Variants in NRG4 observed in about 807,000 individuals in gnomAD.
NRG4 encodes the protein neuregulin 4.
NRG4 carries 10 observed loss-of-function variants against 15.0 expected under a neutral mutation model. The ratio of observed to expected loss-of-function variants is 0.67; its 90% CI spans 0.41 to 1.13. The LOEUF is 1.13. Ranked by LOEUF, NRG4 falls within the 50% of genes most tolerant of loss-of-function variation. NRG4 has a pLI of 0.00. For synonymous variants in NRG4, 41 were observed against 50.1 expected, an observed-to-expected ratio of 0.82 and a Z score of 0.77; for missense variants, 139 against 140.2, an observed-to-expected ratio of 0.99 and a Z score of 0.04.
intron 5 of NRG4, among the ~76,000 whole-genome samples, chr15:76,032,017 A>G (rs1457504880): frequency 6.6e-6 from 1 of 152,192 alleles, no homozygotes; most frequent in Admixed American, 6.5e-5. Flanking sequence ...AGAGAGGAGA[A>G]TTACCCACTA....
At chr15:76,054,444 C>T (rs572656451) in intron 2 of NRG4, among the ~76,000 whole-genome samples, 29 of 151,740 alleles carry the variant, frequency 1.9e-4, no homozygotes, top group African/African-American at 5.3e-4. Flanking sequence ...GATGGAGTTC[C>T]GCTCTCATTG....
rs1007351173 is a variant in NRG4, at chr15:76,050,432, C to A, written c.-105+1635G>T. Among the ~76,000 whole-genome samples, 3 of 143,736 alleles carry A rather than the reference C, an allele frequency of 2.1e-5. 1 individual carries two copies. Among genetic ancestry groups the A allele is most frequent in the African/African-American group, 8.0e-5 (3 of 37,492 alleles). The allele number at this position is 143,736 out of a possible 152,430, so 94.3% of individuals were successfully genotyped here. ...GGAAAAGCATTATTGTCACCCCGAG[C>A]CTTCGTTTTTTTTTTTTTTTTTTTT... On this transcript the variant is annotated intron_variant, in intron 4 of 8. Coordinates refer to the NRG4 transcript ENST00000563910.
chr15:76,054,841 A>G (rs1222440476), intron 2 of NRG4, among the ~76,000 whole-genome samples: 1 of 152,266 alleles, frequency 6.6e-6, no homozygotes, highest in African/African-American at 2.4e-5. Flanking sequence ...CAAAAAATAA[A>G]AAACACATAT....
intron 3 of NRG4, among the ~76,000 whole-genome samples, chr15:75,968,573 C>A: frequency 7.5e-6 from 1 of 133,710 alleles, no homozygotes. Context: ...GGCGATAGAG[C>A]GAAACTCCAT....
chr15:76,027,423 A>G (rs2035344400), intron 5 of NRG4, among the ~76,000 whole-genome samples: 1 of 152,116 alleles, frequency 6.6e-6, no homozygotes, highest in Non-Finnish European at 1.5e-5. Context: ...AGATATATAA[A>G]GCAAGCTGTA....
At chr15:75,937,875 CATGGGGCAAGAGGTT>C (rs67818048), downstream of NRG4, 69,752 of 151,750 alleles carry the variant, frequency 0.46, 16,783 homozygotes, top group South Asian at 0.7. Context: ...ACCACAGGTG[CATGGGGCAAGAGGTT>C]ATGGGTGTAA....
At chr15:76,013,072 T>C (rs1247993882), upstream of NRG4, among the ~76,000 whole-genome samples, 3 of 152,234 alleles carry the variant, frequency 2.0e-5, no homozygotes, top group African/African-American at 7.2e-5. Flanking sequence ...TATAATTATC[T>C]AAAATATGCC....
intron 5 of NRG4, among the ~76,000 whole-genome samples, chr15:76,021,164 A>G (rs1264832574): frequency 6.6e-6 from 1 of 152,182 alleles, no homozygotes; most frequent in African/African-American, 2.4e-5. Flanking sequence ...ATTATGCTAA[A>G]TCTACTCTGC....
At chr15:76,047,314 T>G (rs1207822998) in intron 4 of NRG4, among the ~76,000 whole-genome samples, 1 of 150,952 alleles carries the variant, frequency 6.6e-6, no homozygotes, top group African/African-American at 2.5e-5. Flanking sequence ...CAAAGGGCTA[T>G]CTGCACTCCC....
chr15:76,022,425 TACACACACACAC>T (rs67005026), intron 5 of NRG4, among the ~76,000 whole-genome samples: 1 of 149,460 alleles, frequency 6.7e-6, no homozygotes, highest in African/African-American at 2.5e-5. Flanking sequence ...TCAATATTTT[TACACACACACAC>T]ACACACACAC....
intron 3 of NRG4, among the ~76,000 whole-genome samples, chr15:76,006,460 C>T (rs571677080): frequency 2.6e-5 from 4 of 152,220 alleles, no homozygotes; most frequent in African/African-American, 7.2e-5. Flanking sequence ...ACTGAACCTG[C>T]AGTCACTATT....
chr15:75,998,633 CAG>C (rs1289121117), intron 3 of NRG4, among the ~76,000 whole-genome samples: 2 of 152,190 alleles, frequency 1.3e-5, no homozygotes, highest in South Asian at 2.1e-4. Context: ...CTGAGTGAGA[CAG>C]AGAGTCACTG....
downstream of NRG4, chr15:75,938,952 T>G (rs553976514): frequency 5.3e-5 from 8 of 152,108 alleles, no homozygotes; most frequent in East Asian, 1.5e-3. Context: ...TAGGATGCAG[T>G]GAAAGCACTG....
intron 3 of NRG4, among the ~76,000 whole-genome samples, chr15:75,973,106 C>G (rs1472735336): frequency 6.6e-6 from 1 of 152,034 alleles, no homozygotes; most frequent in Non-Finnish European, 1.5e-5. Context: ...AAATTGTATT[C>G]CTAGGTATTT....
chr15:75,960,608 T>C (rs1292582918), intron 4 of NRG4, among the ~76,000 whole-genome samples: 1 of 152,190 alleles, frequency 6.6e-6, no homozygotes, highest in Non-Finnish European at 1.5e-5. Context: ...TCCTGCTGTT[T>C]AGGCTTCTTA....
chr15:76,044,159 G>A (rs901746069), intron 4 of NRG4, among the ~76,000 whole-genome samples: 28 of 149,006 alleles, frequency 1.9e-4, no homozygotes, highest in African/African-American at 7.2e-4. Context: ...CACCGCGCCC[G>A]GCTAATTTTT....
At chr15:75,971,303 T>C (rs780369929) in intron 3 of NRG4, 56 of 453,204 alleles carry the variant, frequency 1.2e-4, no homozygotes, top group Non-Finnish European at 2.4e-4. Context: ...ATGATCTCTG[T>C]AGAAGGTGAT....
At chr15:75,956,062 CATGTCAGA>C in intron 4 of NRG4, 51 bp from the exon 5 acceptor site, 1 of 1,073,566 alleles carries the variant, frequency 9.3e-7, no homozygotes, top group South Asian at 1.3e-5. Flanking sequence ...ATAGGAAAAG[CATGTCAGA>C]AGACCTAGAA....
chr15:75,947,844 C>G (rs2031629265), intron 5 of NRG4, among the ~76,000 whole-genome samples: 1 of 152,160 alleles, frequency 6.6e-6, no homozygotes, highest in Admixed American at 6.5e-5. Context: ...ATAGTAGTCA[C>G]CATCCTAAAG....
Sources: gnomAD v4.1 joint callset for allele counts (sites outside exome capture counted in the v4.1 genomes callset) on GRCh38, gnomAD v4.1.1 for gene constraint, MANE v1.5 for transcripts, NCBI Gene and HGNC (gene_info 2026-07-23, HGNC 2026-07-21) for gene names.